Variants in PPP2R1B observed in about 807,000 individuals in gnomAD.
The protein encoded by PPP2R1B is serine/threonine-protein phosphatase 2A 65 kDa regulatory subunit A beta isoform.
Under a neutral mutation model 72.7 loss-of-function variants are expected in PPP2R1B, and 58 were observed. The ratio of observed to expected loss-of-function variants is 0.80; its 90% CI spans 0.65 to 0.99. PPP2R1B has a LOEUF of 0.99. Ranked by LOEUF, PPP2R1B falls within the 50% of genes least tolerant of loss-of-function variation. The probability of loss-of-function intolerance (pLI) is 0.00; values close to 1 mark genes in which losing one functional copy is unlikely to be tolerated. For synonymous variants in PPP2R1B, 256 were observed against 264.6 expected, an observed-to-expected ratio of 0.97 and a Z score of 0.32; for missense variants, 695 against 733.6, an observed-to-expected ratio of 0.95 and a Z score of 0.61.
the PPP2R1B span, among the ~76,000 whole-genome samples, chr11:111,717,904 A>AC: frequency 7.2e-5 from 11 of 152,080 alleles, no homozygotes; most frequent in Non-Finnish European, 1.6e-4. Context: ...AACAACACAC[A>AC]CTGGGGCCTG....
At chr11:111,700,240 C>G in the PPP2R1B span, among the ~76,000 whole-genome samples, 1 of 152,132 alleles carries the variant, frequency 6.6e-6, no homozygotes, top group African/African-American at 2.4e-5. Flanking sequence ...CTGTTTTGAA[C>G]TATAATGCCA....
chr11:111,742,050 T>C lies in PPP2R1B; in HGVS notation c.1789+3A>G. ...CTGCAAGGCAAAAGAAGGAAATACA[T>C]ACCACTTATAGCTTCCTGTGCAAAG... is the stretch of plus-strand genomic sequence containing the variant. On this transcript the variant is annotated splice_donor_region_variant and intron_variant, in intron 14 of 14. Coordinates refer to ENST00000527614, the MANE Select transcript of PPP2R1B (RefSeq NM_002716.5). The C allele has an allele frequency of 1.2e-6, 2 of 1,608,602 alleles. No individual in the cohort carries two copies. The highest frequency in any genetic ancestry group is 1.7e-6 in the Non-Finnish European group (2 of 1,174,948).
rs943817374 is a variant in PPP2R1B at position 111,753,892 on chromosome 11, T to G, written c.1030-315A>C. Among the ~76,000 whole-genome samples, 15 of 151,994 alleles carry G rather than the reference T, an allele frequency of 9.9e-5. No homozygotes were observed. The Middle Eastern group carries it at 0.01, about 103-fold the overall frequency. On this transcript the variant is annotated intron_variant, in intron 8 of 14. Transcript: ENST00000527614. Reference sequence around the variant, plus strand: ...CCTTGGCCTCTCAAAGCGCTGGGATTACAGGTGTGAGCCACCACGCCTGGC... The same window carrying G: ...CCTTGGCCTCTCAAAGCGCTGGGATGACAGGTGTGAGCCACCACGCCTGGC...
chr11:111,693,186 G>C, the PPP2R1B span, among the ~76,000 whole-genome samples: 1 of 152,128 alleles, frequency 6.6e-6, no homozygotes, highest in South Asian at 2.1e-4. Flanking sequence ...ACAAAAATTA[G>C]CTGGGCATGG....
chr11:111,714,721 A>G, the PPP2R1B span, among the ~76,000 whole-genome samples: 5 of 152,218 alleles, frequency 3.3e-5, no homozygotes, highest in Non-Finnish European at 7.3e-5. Context: ...CCATGAGTTC[A>G]GCCAAGCGTA....
chr11:111,689,865 G>C, the PPP2R1B span, among the ~76,000 whole-genome samples: 2 of 151,870 alleles, frequency 1.3e-5, no homozygotes, highest in South Asian at 2.1e-4. Flanking sequence ...TATGTTACAG[G>C]ATATGTAATG....
chr11:111,759,175 A>C (rs1438756631), intron 5 of PPP2R1B, among the ~76,000 whole-genome samples: 1 of 152,226 alleles, frequency 6.6e-6, no homozygotes, highest in Non-Finnish European at 1.5e-5. Context: ...TCAGCAAGTT[A>C]CTTAAACTTT....
intron 8 of PPP2R1B, 110 bp from the exon 9 acceptor site, chr11:111,753,687 C>CGCA: frequency 8.2e-7 from 1 of 1,223,374 alleles, no homozygotes; most frequent in Non-Finnish European, 1.1e-6. Flanking sequence ...AGTGCAGTGG[C>CGCA]ATGACCTTGG....
In PPP2R1B at chr11:111,739,951, A is replaced by G; in HGVS notation, c.*1645T>C. ...AGATAACCTCTGATTTACAATTTCTATTTTTCGAATGTAGGACAAATTTTA... is the reference window on the plus strand; with the variant it reads ...AGATAACCTCTGATTTACAATTTCTGTTTTTCGAATGTAGGACAAATTTTA... On this transcript the variant is annotated 3_prime_UTR_variant, in exon 15 of 15. Transcript: ENST00000527614. The G allele has an allele frequency of 1.0e-6, 1 of 979,654 alleles. No homozygotes were observed. The highest frequency in any genetic ancestry group is 1.2e-6 in the Non-Finnish European group (1 of 824,686). The allele number at this position is 979,654 out of a possible 1,614,324, so 60.7% of individuals were successfully genotyped here. A position where few individuals can be genotyped will look rare whatever the true frequency, so the allele number is the denominator to read the frequency against.
chr11:111,695,563 C>T, the PPP2R1B span, among the ~76,000 whole-genome samples: 1 of 152,160 alleles, frequency 6.6e-6, no homozygotes, highest in African/African-American at 2.4e-5. Flanking sequence ...TTTTTCACCG[C>T]CTCTGTTTTA....
intron 5 of PPP2R1B, among the ~76,000 whole-genome samples, chr11:111,757,772 T>C (rs1361050434): frequency 6.6e-6 from 1 of 151,182 alleles, no homozygotes; most frequent in Non-Finnish European, 1.5e-5. Context: ...GAGGCAGGGG[T>C]TGCAGTGAGC....
intron 3 of PPP2R1B, among the ~76,000 whole-genome samples, chr11:111,762,229 T>C (rs1431874486): frequency 7.2e-5 from 11 of 152,146 alleles, no homozygotes; most frequent in African/African-American, 2.7e-4. Flanking sequence ...AGAAGCATAA[T>C]GAGTTAAAGA....
the PPP2R1B span, among the ~76,000 whole-genome samples, chr11:111,712,943 T>C: frequency 9.9e-5 from 15 of 152,268 alleles, no homozygotes; most frequent in African/African-American, 3.4e-4. Flanking sequence ...GGCGGGCAGA[T>C]TGCCTGAGCT....
the PPP2R1B span, chr11:111,703,244 T>C: frequency 6.2e-7 from 1 of 1,614,162 alleles, no homozygotes. Context: ...CCTAGACCCA[T>C]CCAAACGGCT....
rs1435078854 is a variant in PPP2R1B at position 111,740,029 on chromosome 11, A to G, written c.*1567T>C. 1 of 983,972 alleles carries G rather than the reference A, an allele frequency of 1.0e-6. No homozygotes were observed. Among genetic ancestry groups the G allele is most frequent in the African/African-American group, 1.7e-5 (1 of 57,196 alleles). The allele number at this position is 983,972 out of a possible 1,614,324, so 61.0% of individuals were successfully genotyped here. On this transcript the variant is annotated 3_prime_UTR_variant, in exon 15 of 15. Coordinates refer to ENST00000527614, the MANE Select transcript of PPP2R1B (RefSeq NM_002716.5). Reference sequence around the variant, plus strand: ...TAACAAATATACAAAGTCTTAGAGGAGTCTTTGGGCCTTCACTAAACAGAA... The same window carrying G: ...TAACAAATATACAAAGTCTTAGAGGGGTCTTTGGGCCTTCACTAAACAGAA...
chr11:111,764,728 T>A (rs1591716848), intron 3 of PPP2R1B, 77 bp downstream of exon 3: 2 of 1,410,714 alleles, frequency 1.4e-6, no homozygotes, highest in Non-Finnish European at 2.0e-6. Context: ...AATGCTGCAG[T>A]GTGTCTATCA....
chr11:111,762,914 T>C (rs1467554926), intron 3 of PPP2R1B, among the ~76,000 whole-genome samples: 2 of 152,162 alleles, frequency 1.3e-5, no homozygotes, highest in Non-Finnish European at 2.9e-5. Flanking sequence ...TACATTATTA[T>C]TGGTATATTC....
intron 5 of PPP2R1B, among the ~76,000 whole-genome samples, 166 bp from the exon 6 acceptor site, chr11:111,755,616 G>T (rs375796682): frequency 3.5e-4 from 52 of 149,082 alleles, no homozygotes; most frequent in African/African-American, 1.2e-3. Flanking sequence ...TTGAGGCAGG[G>T]TCTCACTCTG....
At chr11:111,727,094 G>T in intron 15 of PPP2R1B, 1 of 1,579,250 alleles carries the variant, frequency 6.3e-7, no homozygotes, top group Non-Finnish European at 8.7e-7. Flanking sequence ...GACAGGAAGA[G>T]GGGGCCCACT....
Sources: allele counts gnomAD v4.1 joint callset (sites outside exome capture counted in the v4.1 genomes callset), GRCh38; gene constraint gnomAD v4.1.1; transcripts MANE v1.5; gene names NCBI Gene and HGNC (gene_info 2026-07-23, HGNC 2026-07-21).